The following TUBGCP5 variants were observed in gnomAD, a reference collection of about 807,000 sequenced individuals.
TUBGCP5 encodes gamma-tubulin complex component 5.
A neutral mutation model predicts 134.7 loss-of-function variants in TUBGCP5; 98 were observed. That is an observed-to-expected ratio of 0.73 (90% CI 0.62 to 0.86). The LOEUF is 0.86. Ranked by LOEUF, TUBGCP5 falls within the 40% of genes least tolerant of loss-of-function variation. The pLI is 0.00. For synonymous variants in TUBGCP5, 456 were observed against 431.4 expected (o/e 1.06, Z -0.71); for missense variants, 1,150 against 1,244.8 (o/e 0.92, Z 1.15).
rs2064250883 is a variant in TUBGCP5, at chr15:22,999,580, T to C, written c.*240A>G. 1.9e-6 allele frequency: 1 copy of C among 517,468 alleles called. No homozygotes were observed. The highest frequency in any genetic ancestry group is 1.9e-5 in the African/African-American group (1 of 51,998). The allele number at this position is 517,468 out of a possible 1,614,324, so 32.1% of individuals were successfully genotyped here. A position where few individuals can be genotyped will look rare whatever the true frequency, so the allele number is the denominator to read the frequency against. On this transcript the variant is annotated 3_prime_UTR_variant, in exon 23 of 23. Coordinates refer to ENST00000615383, the MANE Select transcript of TUBGCP5 (RefSeq NM_052903.6). ...CATGTCTGGATACATTTTGTATTTT[T>C]GGTAGACACCGGGTTTCACCATGTT...
chr15:22,994,166 G>C (rs1211540214), intron 23 of TUBGCP5, among the ~76,000 whole-genome samples: 1 of 151,860 alleles, frequency 6.6e-6, no homozygotes, highest in Non-Finnish European at 1.5e-5. Flanking sequence ...TCGGCTCACT[G>C]CAACTCTGCC....
intron 23 of TUBGCP5, among the ~76,000 whole-genome samples, chr15:22,993,524 A>ATTTTT: frequency 1.2e-5 from 1 of 83,108 alleles, no homozygotes; most frequent in African/African-American, 6.1e-5. Flanking sequence ...CAGCCCCCGA[A>ATTTTT]GTTTTTTTTT....
At position 23,017,884 on chromosome 15, in the gene TUBGCP5, C is replaced by T. The variant is rs1429703607; in HGVS notation, c.1645G>A (p.Val549Met). ...QGPSSRQHTMVSFLKPVLKQI... is the reference protein window; with the variant it reads ...QGPSSRQHTMMSFLKPVLKQI... Reference sequence around the variant, plus strand: ...TTCAGGACAGGTTTGAGGAAGGACACCATGGTGTGCTGCCTGCTGGAGGGC... The same window carrying T: ...TTCAGGACAGGTTTGAGGAAGGACATCATGGTGTGCTGCCTGCTGGAGGGC... The change falls in exon 13 of 23, where the codon GTG becomes ATG. Residue 549 changes from valine (V) to methionine (M), a missense_variant. Transcript: ENST00000615383. 1 of 1,614,114 alleles carries T rather than the reference C, an allele frequency of 6.2e-7. No homozygotes were observed.
At chr15:23,019,393 G>C in intron 11 of TUBGCP5, 59 bp from the exon 12 acceptor site, 1 of 1,131,492 alleles carries the variant, frequency 8.8e-7, no homozygotes, top group Non-Finnish European at 1.3e-6. Context: ...AGGATAAAAG[G>C]AGGTTTAAAC....
chr15:22,984,626 A>T (rs1567071133), intron 23 of TUBGCP5, among the ~76,000 whole-genome samples: 3 of 152,022 alleles, frequency 2.0e-5, no homozygotes, highest in Non-Finnish European at 4.4e-5. Flanking sequence ...GTTAAAAAAA[A>T]AATAAAAGAA....
chr15:23,007,581 G>T (rs1002093561), intron 16 of TUBGCP5, among the ~76,000 whole-genome samples: 2 of 152,130 alleles, frequency 1.3e-5, no homozygotes, highest in Non-Finnish European at 2.9e-5. Context: ...GGAATGAGCA[G>T]ACCTCTGCCG....
rs201702541 is a variant in TUBGCP5, at chr15:23,039,549, G to A, written c.-6C>T. 2.3e-4 allele frequency: 333 copies of A among 1,443,916 alleles called. 2 individuals carry two copies. The highest frequency in any genetic ancestry group is 6.7e-4 in the East Asian group (23 of 34,520). 89.4% of individuals were successfully genotyped at this position (1,443,916 alleles called of 1,614,324 possible). A position where few individuals can be genotyped will look rare whatever the true frequency, so the allele number is the denominator to read the frequency against. ...GGTGGCCCGTGCCGCGCCATGTTCC[G>A]CGCTCCTGCAGCGCGCGTCTAACGA... On this transcript the variant is annotated 5_prime_UTR_variant, in exon 1 of 23. Coordinates refer to ENST00000615383, the MANE Select transcript of TUBGCP5 (RefSeq NM_052903.6).
intron 23 of TUBGCP5, among the ~76,000 whole-genome samples, chr15:22,992,536 T>C (rs771751820): frequency 1.3e-5 from 2 of 152,166 alleles, no homozygotes; most frequent in African/African-American, 2.4e-5. Flanking sequence ...TATTAATGGC[T>C]CTGCTCTTGG....
chr15:23,021,056 T>C (rs2065657403), intron 11 of TUBGCP5, among the ~76,000 whole-genome samples: 2 of 152,142 alleles, frequency 1.3e-5, no homozygotes, highest in Non-Finnish European at 2.9e-5. Flanking sequence ...ACTAGGCTAA[T>C]GTTTGTATTT....
intron 23 of TUBGCP5, among the ~76,000 whole-genome samples, chr15:22,993,471 C>G: frequency 6.7e-6 from 1 of 148,912 alleles, no homozygotes; most frequent in South Asian, 2.1e-4. Context: ...CGATCAAGCT[C>G]ACTAGACCCT....
Position 23,003,497 on chromosome 15 carries a change from A to G in TUBGCP5, c.2839-344T>C, listed in dbSNP as rs529523575. Among the ~76,000 whole-genome samples the G allele has an allele frequency of 2.0e-5, 3 of 152,312 alleles. No individual in the cohort carries two copies. In the South Asian group the frequency reaches 6.2e-4, roughly 32 times the overall value. ...TTCTATCTATTCACATGAAGTGGACATGCTATTGCTCCGCAACTGCAGACA... is the reference window on the plus strand; with the variant it reads ...TTCTATCTATTCACATGAAGTGGACGTGCTATTGCTCCGCAACTGCAGACA... On this transcript the variant is annotated intron_variant, in intron 20 of 22. Coordinates refer to ENST00000615383, the MANE Select transcript of TUBGCP5 (RefSeq NM_052903.6).
At chr15:23,024,353 C>A in intron 9 of TUBGCP5, 160 bp from the exon 10 acceptor site, 3 of 743,842 alleles carry the variant, frequency 4.0e-6, no homozygotes, top group Non-Finnish European at 2.0e-6. Context: ...ATTTTATACA[C>A]AAAGGAAAAA....
In TUBGCP5 at chr15:23,036,934, A is replaced by T; in HGVS notation, c.272T>A (p.Phe91Tyr). Residue 91 changes from phenylalanine to tyrosine, a missense_variant, in exon 3 of 23, where the codon TTT (phenylalanine) becomes TAT (tyrosine). This residue lies in a region of TUBGCP5 where 453 missense variants were observed against 394.7 expected (regional missense o/e 1.15). Transcript: ENST00000615383. ...TATACTGGGAAGTGGTGCATTTAGAAATTCCTCCGTTAATCTCTTCCAACT... is the reference window on the plus strand; with the variant it reads ...TATACTGGGAAGTGGTGCATTTAGATATTCCTCCGTTAATCTCTTCCAACT... ...AASWKRLTEEFLNAPLPSIKE... is the reference protein window; with the variant it reads ...AASWKRLTEEYLNAPLPSIKE... The T allele has an allele frequency of 6.2e-7, 1 of 1,612,610 alleles. No homozygotes were observed. The highest frequency in any genetic ancestry group is 8.5e-7 in the Non-Finnish European group (1 of 1,179,162).
chr15:23,004,056 C>T, intron 20 of TUBGCP5, 46 bp downstream of exon 20: 1 of 1,556,870 alleles, frequency 6.4e-7, no homozygotes. Context: ...GCAGACAGCG[C>T]CACTCGCCCA....
At chr15:23,037,495 C>CT (rs200496238) in intron 1 of TUBGCP5, among the ~76,000 whole-genome samples, 2,029 of 152,202 alleles carry the variant, frequency 0.013, 48 homozygotes, top group African/African-American at 0.046. Context: ...CCGGTGAAGC[C>CT]TAAGGACCCC....
chr15:23,002,732 C>T (rs2064460760), intron 21 of TUBGCP5, among the ~76,000 whole-genome samples: 1 of 152,210 alleles, frequency 6.6e-6, no homozygotes, highest in Admixed American at 6.5e-5. Flanking sequence ...GTTCACAACA[C>T]TGTCTTTGCC....
intron 23 of TUBGCP5, among the ~76,000 whole-genome samples, chr15:22,992,033 C>T (rs778364282): frequency 1.2e-4 from 18 of 152,108 alleles, no homozygotes; most frequent in Non-Finnish European, 2.2e-4. Flanking sequence ...GTGGGGAGGT[C>T]TGGTCTCTGG....
rs1383171680 is a variant in TUBGCP5, at chr15:23,039,483, C to G, written c.61G>C (p.Glu21Gln). 15 of 1,528,428 alleles carry G rather than the reference C, an allele frequency of 9.8e-6. No individual in the cohort carries two copies. The highest frequency in any genetic ancestry group is 1.4e-5 in the African/African-American group (1 of 70,360). The allele number at this position is 1,528,428 out of a possible 1,614,324, so 94.7% of individuals were successfully genotyped here. A position where few individuals can be genotyped will look rare whatever the true frequency, so the allele number is the denominator to read the frequency against. Residue 21 changes from glutamate to glutamine, a missense_variant, in exon 1 of 23, where the codon GAG (glutamate) becomes CAG (glutamine). Physicochemically the swap from Glu to Gln is conservative, Grantham distance 29 (BLOSUM62 2). This residue lies in a region of TUBGCP5 where 453 missense variants were observed against 394.7 expected (regional missense o/e 1.15). Transcript: ENST00000615383. The part of the protein sequence containing the change: ...LDAQQERDVR[E>Q]LVRGVAGLQD... Reference sequence around the variant, plus strand: ...AGGCCGGCGACACCCCGGACGAGCTCCCGCACGTCGCGCTCCTGCTGCGCG... The same window carrying G: ...AGGCCGGCGACACCCCGGACGAGCTGCCGCACGTCGCGCTCCTGCTGCGCG...
rs71414252 is a variant in TUBGCP5, at chr15:22,993,525, GTTTT to G, written c.*61+3316_*61+3319del. Among the ~76,000 whole-genome samples the G allele has an allele frequency of 6.0e-3, 414 of 69,156 alleles. 4 individuals carry two copies. The highest frequency in any genetic ancestry group is 0.021 in the African/African-American group (356 of 16,642). The allele number at this position is 69,156 out of a possible 152,430, so 45.4% of individuals were successfully genotyped here. A position where few individuals can be genotyped will look rare whatever the true frequency, so the allele number is the denominator to read the frequency against. The stretch of plus-strand genomic sequence containing the variant: ...TAATCCTCCCACCTCAGCCCCCGAA[GTTTT>G]TTTTTTTTTTTTTTTTTTTTTTTTT... On this transcript the variant is annotated intron_variant and NMD_transcript_variant, in intron 23 of 23. Coordinates refer to the TUBGCP5 transcript ENST00000614508.
Sources: allele counts gnomAD v4.1 joint callset (sites outside exome capture counted in the v4.1 genomes callset), GRCh38; gene constraint gnomAD v4.1.1; regional missense constraint gnomAD v4.1.1; transcripts MANE v1.5; gene names NCBI Gene and HGNC (gene_info 2026-07-23, HGNC 2026-07-21).